The following PPP2R2B variants were observed in gnomAD, a reference collection of about 807,000 sequenced individuals.
PPP2R2B encodes serine/threonine-protein phosphatase 2A 55 kDa regulatory subunit B beta isoform.
In PPP2R2B, 5 loss-of-function variants were observed where a neutral mutation model predicts 46.0. The observed-to-expected ratio is 0.11, with a 90% CI of 0.06 to 0.23. The LOEUF is 0.23. Ranked by LOEUF, PPP2R2B falls within the 10% of genes least tolerant of loss-of-function variation. The pLI, the probability that PPP2R2B is intolerant of heterozygous loss-of-function variation, is 1.00. For synonymous variants in PPP2R2B, 215 were observed against 206.7 expected, an observed-to-expected ratio of 1.04 and a Z score of -0.34; for missense variants, 367 against 575.0, an observed-to-expected ratio of 0.64 and a Z score of 3.70.
intron 1 of PPP2R2B, among the ~76,000 whole-genome samples, chr5:147,018,005 G>T (rs1012294917): frequency 6.6e-6 from 1 of 150,934 alleles, no homozygotes; most frequent in Non-Finnish European, 1.5e-5. Context: ...TCCAGGCCCA[G>T]ATGAATTATA....
intron 1 of PPP2R2B, among the ~76,000 whole-genome samples, chr5:147,034,226 C>T (rs1193926182): frequency 2.0e-5 from 3 of 152,156 alleles, no homozygotes; most frequent in Non-Finnish European, 4.4e-5. Flanking sequence ...GGCTGATGAC[C>T]TCATGTCCTT....
At chr5:146,799,650 A>C (rs1756747467) in intron 2 of PPP2R2B, among the ~76,000 whole-genome samples, 1 of 152,250 alleles carries the variant, frequency 6.6e-6, no homozygotes, top group Non-Finnish European at 1.5e-5. Flanking sequence ...CATGAATCAC[A>C]GATAGAGGAG....
intron 5 of PPP2R2B, among the ~76,000 whole-genome samples, chr5:146,689,097 G>C (rs189207025): frequency 5.2e-4 from 79 of 152,122 alleles, no homozygotes; most frequent in Non-Finnish European, 8.4e-4. Flanking sequence ...TATCAGTAGG[G>C]GGTAATAATA....
At chr5:147,065,897 A>C (rs1314378826) in intron 2 of PPP2R2B, among the ~76,000 whole-genome samples, 1 of 152,052 alleles carries the variant, frequency 6.6e-6, no homozygotes, top group Admixed American at 6.6e-5. Flanking sequence ...AATGCCAACA[A>C]GCATTATCTC....
chr5:147,052,919 A>G (rs1756901441), intron 1 of PPP2R2B, among the ~76,000 whole-genome samples: 1 of 152,098 alleles, frequency 6.6e-6, no homozygotes, highest in Admixed American at 6.6e-5. Context: ...AAAAGGAACC[A>G]ATAGTTGTGA....
At chr5:146,887,892 G>A (rs1190552292) in intron 1 of PPP2R2B, among the ~76,000 whole-genome samples, 2 of 152,212 alleles carry the variant, frequency 1.3e-5, no homozygotes, top group African/African-American at 4.8e-5. Context: ...AGAGTAGAAT[G>A]TTGTGGTCAC....
chr5:146,926,102 T>C (rs319142), intron 1 of PPP2R2B, among the ~76,000 whole-genome samples: 71,642 of 152,032 alleles, frequency 0.47, 18,568 homozygotes, highest in East Asian at 0.73. Flanking sequence ...TTATAATAGC[T>C]GCCTTGAAAT....
intron 2 of PPP2R2B, among the ~76,000 whole-genome samples, chr5:147,077,299 CA>C (rs1561616362): frequency 2.0e-5 from 3 of 148,218 alleles, no homozygotes; most frequent in South Asian, 2.1e-4. Flanking sequence ...CACACACACA[CA>C]CACACACACA....
intron 5 of PPP2R2B, among the ~76,000 whole-genome samples, chr5:146,658,719 T>A (rs555626031): frequency 6.6e-6 from 1 of 152,242 alleles, no homozygotes; most frequent in Non-Finnish European, 1.5e-5. Flanking sequence ...ATAGAAGATG[T>A]ACTTTAACTT....
chr5:146,769,968 T>C (rs1754737484), intron 2 of PPP2R2B, among the ~76,000 whole-genome samples: 1 of 152,130 alleles, frequency 6.6e-6, no homozygotes, highest in African/African-American at 2.4e-5. Context: ...CACAGATTTA[T>C]CAAAACGATG....
intron 1 of PPP2R2B, among the ~76,000 whole-genome samples, chr5:147,044,250 G>C (rs1421977267): frequency 1.3e-5 from 2 of 152,080 alleles, no homozygotes; most frequent in Admixed American, 1.3e-4. Context: ...AGATTTCAGT[G>C]CAATTTAAAG....
At position 147,037,401 on chromosome 5, in the gene PPP2R2B, G is replaced by GGT. The variant is rs147534232; in HGVS notation, c.79+18262_79+18263dup. Among the ~76,000 whole-genome samples, 212 of 150,238 alleles carry GGT rather than the reference G, an allele frequency of 1.4e-3. 1 individual carries two copies. Among genetic ancestry groups the GGT allele is most frequent in the African/African-American group, 3.9e-3 (161 of 41,040 alleles). On this transcript the variant is annotated intron_variant, in intron 1 of 8. Coordinates refer to the PPP2R2B transcript ENST00000336640. ...CTTGAATCTCTGAGACAGACAAAGG[G>GGT]GTGTGTGTGTGTGTGTATGTACATA...
chr5:146,937,617 G>T lies in PPP2R2B; in HGVS notation c.79+118048C>A, dbSNP rs753910537. 2.0e-5 allele frequency among the ~76,000 whole-genome samples: 3 copies of T among 152,114 alleles called. No homozygotes were observed. In the East Asian group the frequency reaches 5.8e-4, roughly 29 times the overall value. On this transcript the variant is annotated intron_variant, in intron 1 of 8. Transcript: ENST00000336640. ...TCTGAGATTTGAAGGCTGAGCAGGG[G>T]TTGGCCATGTAAAAGCGTGAGGAAA...
chr5:146,814,685 A>T (rs1175618661), intron 2 of PPP2R2B, among the ~76,000 whole-genome samples: 2 of 152,200 alleles, frequency 1.3e-5, no homozygotes, highest in African/African-American at 4.8e-5. Context: ...GCATGTATAC[A>T]ACTTTAGTAA....
chr5:146,813,228 A>G (rs571903849), intron 2 of PPP2R2B, among the ~76,000 whole-genome samples: 1 of 151,758 alleles, frequency 6.6e-6, no homozygotes, highest in South Asian at 2.1e-4. Flanking sequence ...GCCTTTTAAT[A>G]ATCATTAAAA....
intron 2 of PPP2R2B, among the ~76,000 whole-genome samples, chr5:146,774,620 C>A (rs985604248): frequency 5.9e-5 from 9 of 151,976 alleles, no homozygotes; most frequent in African/African-American, 1.9e-4. Context: ...AGTTCGAGAC[C>A]AGCCTGGCCA....
intron 2 of PPP2R2B, among the ~76,000 whole-genome samples, chr5:146,848,634 T>C (rs1301212856): frequency 6.6e-6 from 1 of 152,156 alleles, no homozygotes; most frequent in Non-Finnish European, 1.5e-5. Context: ...TGCCTTATTT[T>C]CATGTTGGAC....
chr5:146,683,246 A>G (rs984980874), intron 5 of PPP2R2B, among the ~76,000 whole-genome samples: 3 of 152,174 alleles, frequency 2.0e-5, no homozygotes, highest in South Asian at 2.1e-4. Flanking sequence ...AACTTTTACA[A>G]TCTCCTTGAA....
chr5:146,670,378 A>C (rs1174642609), intron 5 of PPP2R2B, among the ~76,000 whole-genome samples: 1 of 152,058 alleles, frequency 6.6e-6, no homozygotes, highest in Non-Finnish European at 1.5e-5. Context: ...TTTTTTTTTA[A>C]AGCTCTCCAA....
Sources: allele counts gnomAD v4.1 joint callset (sites outside exome capture counted in the v4.1 genomes callset), GRCh38; gene constraint gnomAD v4.1.1; transcripts MANE v1.5; gene names NCBI Gene and HGNC (gene_info 2026-07-23, HGNC 2026-07-21).